ZNF324B: variants seen among roughly 807,000 people sequenced by gnomAD.
ZNF324B encodes zinc finger protein 324B.
A neutral mutation model predicts 10.6 loss-of-function variants in ZNF324B; 7 were observed. The observed-to-expected ratio is 0.66, with a 90% CI of 0.38 to 1.24. The LOEUF (loss-of-function observed/expected upper bound fraction) is 1.24. Ranked by LOEUF, ZNF324B falls within the 50% of genes most tolerant of loss-of-function variation. ZNF324B has a pLI of 0.02. For synonymous variants in ZNF324B, 316 were observed against 321.0 expected, an observed-to-expected ratio of 0.98 and a Z score of 0.17; for missense variants, 640 against 764.7, an observed-to-expected ratio of 0.84 and a Z score of 1.92.
At chr19:58,445,153 G>A in the ZNF324B span, 1 of 286,652 alleles carries the variant, frequency 3.5e-6, no homozygotes, top group African/African-American at 2.3e-5. Context: ...ACCGGAAAAT[G>A]GTTGTACAAA....
Position 58,456,240 on chromosome 19 carries a change from C to T in ZNF324B, c.1296C>T (p.Arg432=). The stretch of plus-strand genomic sequence containing the variant: ...CCTTCGCCTGCGCCCAGTGCGGCCG[C>T]TCCTTTAGCCGCAGCTCCAACCTCA... ...EKPFACAQCG[R]SFSRSSNLTQ... Residue 432 remains arginine, a synonymous_variant, in exon 4 of 4, where the codon CGC becomes CGT. Coordinates refer to ENST00000336614, the MANE Select transcript of ZNF324B (RefSeq NM_207395.3). This position sits in a 1 kb window ranked among gnomAD's most constrained non-coding sequence, Gnocchi z 4.7. The T allele has an allele frequency of 6.2e-7, 1 of 1,613,092 alleles. No individual in the cohort carries two copies. The highest frequency in any genetic ancestry group is 1.7e-5 in the Admixed American group (1 of 60,018).
In ZNF324B at chr19:58,451,682, G is replaced by T. The variant is rs765420858; in HGVS notation, c.-29G>T. On this transcript the variant is annotated 5_prime_UTR_variant, in exon 1 of 4. Transcript: ENST00000336614. Reference sequence around the variant, plus strand: ...TCTGGGCTGTGGCGCGCGGGTCGGGGCCCGAGGCGGGCGGCCAGGAAGGTA... The same window carrying T: ...TCTGGGCTGTGGCGCGCGGGTCGGGTCCCGAGGCGGGCGGCCAGGAAGGTA... 3 of 501,434 alleles carry T rather than the reference G, an allele frequency of 6.0e-6. No homozygotes were observed. The highest frequency in any genetic ancestry group is 1.2e-5 in the Non-Finnish European group (3 of 252,790). The allele number at this position is 501,434 out of a possible 1,614,324, so 31.1% of individuals were successfully genotyped here.
chr19:58,441,000 C>T, the ZNF324B span: 1 of 152,590 alleles, frequency 6.6e-6, no homozygotes, highest in Non-Finnish European at 1.5e-5. Context: ...GGAGCGTTCA[C>T]AGGTTGGGGG....
At position 58,453,813 on chromosome 19, in the gene ZNF324B, A is replaced by G. The variant is rs781674718; in HGVS notation, c.112A>G (p.Thr38Ala). Residue 38 changes from threonine (T) to alanine (A), a missense_variant, in exon 2 of 4, where the codon ACC becomes GCC. This residue lies in a region of ZNF324B where 345 missense variants were observed against 387.9 expected (regional missense o/e 0.89). Transcript: ENST00000336614. ...HVMLENFTLV[T>A]SLGLSTSRPR... ...GATGCTGGAAAACTTCACACTTGTG[A>G]CCTCACTTGGTAAGGCCCTGGGTGC... 3 of 1,613,864 alleles carry G rather than the reference A, an allele frequency of 1.9e-6. No homozygotes were observed. Among genetic ancestry groups the G allele is most frequent in the Non-Finnish European group, 2.5e-6 (3 of 1,179,876 alleles).
chr19:58,453,828 G>C lies in ZNF324B; in HGVS notation c.121+6G>C. ...CACACTTGTGACCTCACTTGGTAAGGCCCTGGGTGCTCCATGAAAAGTGCA... is the reference window on the plus strand; with the variant it reads ...CACACTTGTGACCTCACTTGGTAAGCCCCTGGGTGCTCCATGAAAAGTGCA... On this transcript the variant is annotated splice_donor_region_variant and intron_variant, in intron 2 of 3. Transcript: ENST00000336614. 1 of 1,611,726 alleles carries C rather than the reference G, an allele frequency of 6.2e-7. No homozygotes were observed. The highest frequency in any genetic ancestry group is 2.2e-5 in the East Asian group (1 of 44,844).
In ZNF324B at chr19:58,456,213, G is replaced by A; in HGVS notation, c.1269G>A (p.Lys423=). The change falls in exon 4 of 4, where the codon AAG becomes AAA. Residue 423 remains lysine, a synonymous_variant. Coordinates refer to ENST00000336614, the MANE Select transcript of ZNF324B (RefSeq NM_207395.3). This position sits in a 1 kb window ranked among gnomAD's most constrained non-coding sequence, Gnocchi z 4.7. ...ACCAGCGCGTGCACACAGGCGAGAA[G>A]CCCTTCGCCTGCGCCCAGTGCGGCC... ...FLHQRVHTGE[K]PFACAQCGRS... is the part of the protein sequence containing the mutation. 1 of 1,613,160 alleles carries A rather than the reference G, an allele frequency of 6.2e-7. No individual in the cohort carries two copies. The highest frequency in any genetic ancestry group is 8.5e-7 in the Non-Finnish European group (1 of 1,179,834).
chr19:58,423,970 T>C, the ZNF324B span, among the ~76,000 whole-genome samples: 1 of 152,196 alleles, frequency 6.6e-6, no homozygotes, highest in South Asian at 2.1e-4. Flanking sequence ...GTCGGGGCAG[T>C]GGCTCACACC....
the ZNF324B span, chr19:58,437,301 ATC>A: frequency 7.0e-7 from 1 of 1,423,136 alleles, no homozygotes; most frequent in South Asian, 1.4e-5. Flanking sequence ...TACCACTAAT[ATC>A]TCTTTTTCTT....
chr19:58,436,396 G>A, the ZNF324B span: 1 of 154,320 alleles, frequency 6.5e-6, no homozygotes, highest in Non-Finnish European at 1.4e-5. Flanking sequence ...GCTGGGCGTG[G>A]TGGCTCACGC....
At chr19:58,423,739 A>G in the ZNF324B span, among the ~76,000 whole-genome samples, 1 of 152,194 alleles carries the variant, frequency 6.6e-6, no homozygotes, top group African/African-American at 2.4e-5. Context: ...CGGAAACATA[A>G]TGGAGACCCA....
chr19:58,446,218 C>T, the ZNF324B span, among the ~76,000 whole-genome samples: 26 of 152,176 alleles, frequency 1.7e-4, no homozygotes, highest in African/African-American at 6.0e-4. Context: ...GGATTCCTCC[C>T]TGAGGAGACA....
chr19:58,433,495 G>A, the ZNF324B span: 1 of 1,614,166 alleles, frequency 6.2e-7, no homozygotes, highest in Non-Finnish European at 8.5e-7. Flanking sequence ...CCTTTCTTGT[G>A]TGTGAACTCT....
chr19:58,419,152 C>T, the ZNF324B span: 1 of 152,042 alleles, frequency 6.6e-6, no homozygotes, highest in Admixed American at 6.6e-5. Context: ...TTTTGTGGGT[C>T]CAGAGCTCAC....
chr19:58,434,410 C>T, the ZNF324B span: 2 of 1,614,232 alleles, frequency 1.2e-6, no homozygotes, highest in Non-Finnish European at 1.7e-6. Context: ...CTCATAAGGT[C>T]TTTCTCCTGA....
chr19:58,424,869 CTAAG>C, the ZNF324B span, among the ~76,000 whole-genome samples: 1 of 152,116 alleles, frequency 6.6e-6, no homozygotes, highest in Non-Finnish European at 1.5e-5. Flanking sequence ...AATTCCACTT[CTAAG>C]TATCTACCCA....
chr19:58,431,924 G>A, the ZNF324B span, among the ~76,000 whole-genome samples: 1 of 152,154 alleles, frequency 6.6e-6, no homozygotes, highest in Non-Finnish European at 1.5e-5. Flanking sequence ...CCATTTAGGA[G>A]GTGGAGCTTG....
At chr19:58,444,573 G>C in the ZNF324B span, 2 of 152,230 alleles carry the variant, frequency 1.3e-5, no homozygotes, top group Admixed American at 6.5e-5. Flanking sequence ...AGGTGTCAAT[G>C]GTTCAAGACC....
At chr19:58,428,042 G>C in the ZNF324B span, among the ~76,000 whole-genome samples, 3 of 152,210 alleles carry the variant, frequency 2.0e-5, no homozygotes, top group Non-Finnish European at 2.9e-5. Context: ...ACACCTCACT[G>C]TGCTGGGGAG....
chr19:58,422,749 C>T, the ZNF324B span, among the ~76,000 whole-genome samples: 16 of 152,196 alleles, frequency 1.1e-4, no homozygotes, highest in African/African-American at 1.7e-4. Context: ...TTGAAGAGAC[C>T]TTTGGATTCA....
Sources: allele counts gnomAD v4.1 joint callset (sites outside exome capture counted in the v4.1 genomes callset), GRCh38; gene constraint gnomAD v4.1.1; regional missense constraint gnomAD v4.1.1; non-coding constraint Gnocchi (gnomAD v3.1); transcripts MANE v1.5; gene names NCBI Gene and HGNC (gene_info 2026-07-23, HGNC 2026-07-21).